The following NAV2 variants were observed in gnomAD, a reference collection of about 807,000 sequenced individuals.
NAV2 encodes the protein neuron navigator 2, also known as helicase, APC down-regulated 1.
NAV2 carries 54 observed loss-of-function variants against 223.2 expected under a neutral mutation model. The observed-to-expected ratio is 0.24, with a 90% CI of 0.19 to 0.30. The LOEUF is 0.30. Among genes scored for constraint, NAV2 ranks in the 10% least tolerant of loss-of-function variants. NAV2 has a pLI of 1.00. For missense variants in NAV2, 2,806 were observed against 3,147.5 expected, an observed-to-expected ratio of 0.89 and a Z score of 2.60; for synonymous variants, 1,279 against 1,239.3, an observed-to-expected ratio of 1.03 and a Z score of -0.67.
intron 1 of NAV2, among the ~76,000 whole-genome samples, chr11:19,789,189 T>C (rs144392847): frequency 6.6e-6 from 1 of 152,326 alleles, no homozygotes; most frequent in African/African-American, 2.4e-5. Context: ...ATAAAATCAG[T>C]AAGAAGCTAG....
chr11:19,855,873 A>G (rs2061385375), intron 3 of NAV2, among the ~76,000 whole-genome samples: 1 of 152,160 alleles, frequency 6.6e-6, no homozygotes, highest in Non-Finnish European at 1.5e-5. Flanking sequence ...CTCCTTTAAG[A>G]AGGATTTGCC....
chr11:19,828,622 G>T (rs938797851), intron 1 of NAV2, among the ~76,000 whole-genome samples: 1 of 152,204 alleles, frequency 6.6e-6, no homozygotes, highest in Non-Finnish European at 1.5e-5. Context: ...CTCAGTAGCT[G>T]TGACTATGGG....
intron 1 of NAV2, among the ~76,000 whole-genome samples, chr11:19,464,134 T>G (rs553845218): frequency 1.3e-5 from 2 of 152,272 alleles, no homozygotes; most frequent in East Asian, 3.9e-4. Flanking sequence ...AGAACCTGAT[T>G]AGTGCTGGGC....
intron 10 of NAV2, among the ~76,000 whole-genome samples, chr11:19,964,537 G>A (rs929348999): frequency 6.8e-6 from 1 of 147,208 alleles, no homozygotes; most frequent in African/African-American, 2.6e-5. Flanking sequence ...GCTCTGTTGT[G>A]CAGGCTGGAG....
At chr11:20,117,028 T>C (rs2063158772) in intron 37 of NAV2, among the ~76,000 whole-genome samples, 1 of 152,178 alleles carries the variant, frequency 6.6e-6, no homozygotes, top group Non-Finnish European at 1.5e-5. Flanking sequence ...GGACACCAGA[T>C]GATGGTGCTT....
At chr11:19,448,795 T>C (rs1255184233) in intron 1 of NAV2, among the ~76,000 whole-genome samples, 1 of 152,234 alleles carries the variant, frequency 6.6e-6, no homozygotes, top group Admixed American at 6.5e-5. Context: ...GCCATCCGTT[T>C]TCTCTTTTGT....
At chr11:19,868,379 G>A (rs568146422) in intron 3 of NAV2, among the ~76,000 whole-genome samples, 10 of 152,256 alleles carry the variant, frequency 6.6e-5, no homozygotes, top group African/African-American at 1.9e-4. Flanking sequence ...ACAGACTCTC[G>A]TGGGTCCTTT....
At chr11:19,737,540 A>G (rs1022064999) in intron 1 of NAV2, among the ~76,000 whole-genome samples, 1 of 152,208 alleles carries the variant, frequency 6.6e-6, no homozygotes, top group Non-Finnish European at 1.5e-5. Context: ...TAACCTGGCA[A>G]TTGCAATCAC....
intron 8 of NAV2, among the ~76,000 whole-genome samples, chr11:19,942,082 T>C (rs952692076): frequency 3.3e-5 from 5 of 152,222 alleles, no homozygotes; most frequent in African/African-American, 1.2e-4. Context: ...TCCAGATCGC[T>C]ACAGGTAGAC....
Position 19,713,558 on chromosome 11 carries a change from A to C in NAV2, c.-138A>C. 1.6e-6 allele frequency: 2 copies of C among 1,287,134 alleles called. No individual in the cohort carries two copies. The highest frequency in any genetic ancestry group is 2.0e-6 in the Non-Finnish European group (2 of 997,270). The allele number at this position is 1,287,134 out of a possible 1,614,324, so 79.7% of individuals were successfully genotyped here. On this transcript the variant is annotated 5_prime_UTR_variant, in exon 1 of 38. Coordinates refer to ENST00000349880, the MANE Select transcript of NAV2 (RefSeq NM_145117.5). The surrounding 1 kb of genome is among the most constrained non-coding windows in gnomAD (Gnocchi z 7.2). The stretch of plus-strand genomic sequence containing the variant: ...TTGCTTCGAGTTCCCCGACCTGGGG[A>C]TTTTTTTTTTAGCCGCTGGTGGTGG...
At chr11:19,489,095 T>A (rs547856946) in intron 1 of NAV2, among the ~76,000 whole-genome samples, 2 of 152,292 alleles carry the variant, frequency 1.3e-5, no homozygotes, top group East Asian at 3.9e-4. Flanking sequence ...TGTTTCTCCA[T>A]GGACAGAGAA....
chr11:19,357,825 C>A (rs1479033816), intron 1 of NAV2, among the ~76,000 whole-genome samples: 1 of 152,198 alleles, frequency 6.6e-6, no homozygotes, highest in Non-Finnish European at 1.5e-5. Flanking sequence ...CGTTAAATTA[C>A]AATATACAGG....
chr11:19,722,910 T>C (rs779096920), intron 1 of NAV2, among the ~76,000 whole-genome samples: 1 of 152,202 alleles, frequency 6.6e-6, no homozygotes, highest in Non-Finnish European at 1.5e-5. Context: ...CTGGTCTGGC[T>C]GAGTAGAGGG....
intron 1 of NAV2, among the ~76,000 whole-genome samples, chr11:19,500,777 A>G (rs535687319): frequency 1.2e-4 from 18 of 152,306 alleles, no homozygotes; most frequent in African/African-American, 2.9e-4. Flanking sequence ...GAGGAATGCT[A>G]GTTCTGATGG....
In NAV2 at chr11:20,106,175, A is replaced by ATATGTGTGTGTGTGTG. The variant is rs11267537; in HGVS notation, c.6841+449_6841+450insATGTGTGTGTGTGTGT. ...TGTGTGTATATATATATATATATAT[A>ATATGTGTGTGTGTGTG]TGTGTGTGTATATATATATATATAT... is the stretch of plus-strand genomic sequence containing the variant. On this transcript the variant is annotated intron_variant, in intron 35 of 37. Transcript: ENST00000349880. Among the ~76,000 whole-genome samples the ATATGTGTGTGTGTGTG allele has an allele frequency of 8.3e-3, 298 of 35,826 alleles. 39 individuals carry two copies. The highest frequency in any genetic ancestry group is 0.016 in the Middle Eastern group (1 of 62). The allele number at this position is 35,826 out of a possible 152,430, so 23.5% of individuals were successfully genotyped here. A position where few individuals can be genotyped will look rare whatever the true frequency, so the allele number is the denominator to read the frequency against.
chr11:19,410,924 C>G (rs1396432337), intron 1 of NAV2, among the ~76,000 whole-genome samples: 1 of 152,130 alleles, frequency 6.6e-6, no homozygotes, highest in Admixed American at 6.5e-5. Flanking sequence ...AGCTTGACAT[C>G]AAATCTTTCT....
intron 1 of NAV2, among the ~76,000 whole-genome samples, chr11:19,476,370 C>CG (rs983226525): frequency 6.7e-6 from 1 of 150,162 alleles, no homozygotes; most frequent in Admixed American, 6.6e-5. Context: ...CATCAAGAGA[C>CG]TTTTTTTTTT....
upstream of NAV2, among the ~76,000 whole-genome samples, chr11:19,349,745 A>G (rs1178077212): frequency 2.0e-5 from 3 of 151,998 alleles, no homozygotes; most frequent in African/African-American, 7.3e-5. Flanking sequence ...CTCTTGGACT[A>G]TTTATGGGAG....
chr11:20,029,418 A>G (rs1196591820), intron 11 of NAV2, among the ~76,000 whole-genome samples: 1 of 152,242 alleles, frequency 6.6e-6, no homozygotes, highest in African/African-American at 2.4e-5. Context: ...CTCTGCCAGA[A>G]GAGCTCTTTG....
Sources: allele counts gnomAD v4.1 joint callset (sites outside exome capture counted in the v4.1 genomes callset), GRCh38; gene constraint gnomAD v4.1.1; non-coding constraint Gnocchi (gnomAD v3.1); transcripts MANE v1.5; gene names NCBI Gene and HGNC (gene_info 2026-07-23, HGNC 2026-07-21).